Variants in CASC3 observed in about 807,000 individuals in gnomAD.
CASC3 encodes the protein protein CASC3.
In CASC3, 30 loss-of-function variants were observed where a neutral mutation model predicts 80.5. The observed-to-expected ratio is 0.37, with a 90% CI of 0.28 to 0.51. The LOEUF is 0.51. Among genes scored for constraint, CASC3 ranks in the 20% least tolerant of loss-of-function variants. CASC3 has a pLI of 0.94. For synonymous variants in CASC3, 312 were observed against 333.6 expected, an observed-to-expected ratio of 0.94 and a Z score of 0.70; for missense variants, 824 against 922.2, an observed-to-expected ratio of 0.89 and a Z score of 1.38.
Position 40,171,762 on chromosome 17 carries a change from G to A in CASC3, c.*1357G>A. 1.7e-6 allele frequency: 2 copies of A among 1,158,460 alleles called. No individual in the cohort carries two copies. The highest frequency in any genetic ancestry group is 2.2e-6 in the Non-Finnish European group (2 of 926,680). 71.8% of individuals were successfully genotyped at this position (1,158,460 alleles called of 1,614,324 possible). On this transcript the variant is annotated 3_prime_UTR_variant, in exon 14 of 14. Coordinates refer to ENST00000264645, the MANE Select transcript of CASC3 (RefSeq NM_007359.5). ...TCCTTCTACAGAACCTGAGGGCAAAGATGGTGGCTGTGTCTCTCCCCGGTA... is the reference window on the plus strand; with the variant it reads ...TCCTTCTACAGAACCTGAGGGCAAAAATGGTGGCTGTGTCTCTCCCCGGTA...
At chr17:40,160,331 AAAAAT>A (rs1567681588) in intron 3 of CASC3, among the ~76,000 whole-genome samples, 1 of 152,044 alleles carries the variant, frequency 6.6e-6, no homozygotes, top group Non-Finnish European at 1.5e-5. Flanking sequence ...CGTCTCTACT[AAAAAT>A]AAAAAAAAAT....
chr17:40,142,253 A>G (rs1343883232), intron 3 of CASC3, among the ~76,000 whole-genome samples: 1 of 152,228 alleles, frequency 6.6e-6, no homozygotes, highest in Non-Finnish European at 1.5e-5. Flanking sequence ...TTGAGGATGG[A>G]ATAGTGAACA....
Position 40,163,331 on chromosome 17 carries a change from C to T in CASC3, c.786-150C>T, listed in dbSNP as rs187690255. ...TGTATTTTTAGTAGAAATGAGGTTT[C>T]GCTATGTTGGCCAGGCTGGTCTTGA... On this transcript the variant is annotated intron_variant, in intron 6 of 13. Coordinates refer to ENST00000264645, the MANE Select transcript of CASC3 (RefSeq NM_007359.5). 302 of 640,158 alleles carry T rather than the reference C, an allele frequency of 4.7e-4. 2 individuals carry two copies. In the East Asian group the frequency reaches 7.3e-3, roughly 15 times the overall value. The allele number at this position is 640,158 out of a possible 1,614,324, so 39.7% of individuals were successfully genotyped here. A position where few individuals can be genotyped will look rare whatever the true frequency, so the allele number is the denominator to read the frequency against.
chr17:40,163,639 G>T lies in CASC3; in HGVS notation c.944G>T (p.Arg315Leu), dbSNP rs372980819. 7 of 1,614,138 alleles carry T rather than the reference G, an allele frequency of 4.3e-6. No individual in the cohort carries two copies. The highest frequency in any genetic ancestry group is 5.9e-6 in the Non-Finnish European group (7 of 1,180,026). The change falls in exon 7 of 14, where the codon CGA becomes CTA. Residue 315 changes from arginine (R) to leucine (L), a missense_variant. Physicochemically the swap from Arg to Leu is moderately radical, Grantham distance 102. This residue lies in a region of CASC3 where 464 missense variants were observed against 506.0 expected (regional missense o/e 0.92). Coordinates refer to ENST00000264645, the MANE Select transcript of CASC3 (RefSeq NM_007359.5). ...ATGTCTGCACCCAGGAATTATTCTC[G>T]ATCTGGGGGCTTCAAGGAAGGTCGT... ...GRMSAPRNYS[R>L]SGGFKEGRAG...
At chr17:40,151,767 A>G (rs1192783648) in intron 3 of CASC3, among the ~76,000 whole-genome samples, 1 of 151,970 alleles carries the variant, frequency 6.6e-6, no homozygotes, top group Non-Finnish European at 1.5e-5. Flanking sequence ...AGCAACCGCA[A>G]ATCTACTTTC....
At chr17:40,150,479 G>T (rs1249001001) in intron 3 of CASC3, among the ~76,000 whole-genome samples, 2 of 151,830 alleles carry the variant, frequency 1.3e-5, no homozygotes, top group Non-Finnish European at 2.9e-5. Context: ...TCTGTTGTAG[G>T]CCTGGAGAAA....
intron 3 of CASC3, among the ~76,000 whole-genome samples, chr17:40,159,773 T>A (rs1989247956): frequency 6.8e-6 from 1 of 146,066 alleles, no homozygotes; most frequent in African/African-American, 2.6e-5. Context: ...CTAGTATCAG[T>A]GGTGCAATCT....
At chr17:40,168,044 C>G (rs1057013791) in intron 10 of CASC3, 96 bp downstream of exon 10, 10 of 1,375,078 alleles carry the variant, frequency 7.3e-6, no homozygotes, top group African/African-American at 2.9e-5. Flanking sequence ...TGCTGCTAGC[C>G]TGGGAGTCTG....
chr17:40,163,076 G>GAA (rs571157538), intron 6 of CASC3, among the ~76,000 whole-genome samples, 175 bp downstream of exon 6: 2 of 147,350 alleles, frequency 1.4e-5, no homozygotes, highest in Non-Finnish European at 3.0e-5. Context: ...AGAAAAAAAG[G>GAA]AAAAAAAAAA....
intron 13 of CASC3, among the ~76,000 whole-genome samples, chr17:40,169,883 G>A (rs1010083386): frequency 2.0e-5 from 3 of 147,698 alleles, no homozygotes; most frequent in African/African-American, 7.5e-5. Context: ...AGCCTCCTAA[G>A]TAGCTAGGAT....
chr17:40,153,826 C>T (rs991091942), intron 3 of CASC3, among the ~76,000 whole-genome samples: 22 of 152,004 alleles, frequency 1.4e-4, no homozygotes, highest in African/African-American at 5.3e-4. Flanking sequence ...ATAATCCCAG[C>T]ACTTTGGGAG....
At chr17:40,145,299 G>T (rs985892652) in intron 3 of CASC3, among the ~76,000 whole-genome samples, 34 of 151,766 alleles carry the variant, frequency 2.2e-4, no homozygotes, top group African/African-American at 8.2e-4. Context: ...TCAGCCTCCC[G>T]AGTAGCTGGG....
chr17:40,150,022 A>C (rs1168460507), intron 3 of CASC3, among the ~76,000 whole-genome samples: 1 of 152,186 alleles, frequency 6.6e-6, no homozygotes, highest in Admixed American at 6.5e-5. Flanking sequence ...TTCCATTGTA[A>C]TTACAAAGAA....
At chr17:40,152,911 G>A (rs1349843775) in intron 3 of CASC3, among the ~76,000 whole-genome samples, 1 of 151,690 alleles carries the variant, frequency 6.6e-6, no homozygotes, top group Non-Finnish European at 1.5e-5. Flanking sequence ...TGAGTAGTTG[G>A]GATTACAAGC....
At position 40,154,525 on chromosome 17, in the gene CASC3, C is replaced by T. The variant is rs560251735; in HGVS notation, c.298-7228C>T. ...CTGGGATTACAGGTGTGAGCCACTG[C>T]GCTTGGCCATTTTTTTTTTTTTAAT... is the stretch of plus-strand genomic sequence containing the variant. On this transcript the variant is annotated intron_variant, in intron 3 of 13. Transcript: ENST00000264645. 1.4e-4 allele frequency among the ~76,000 whole-genome samples: 21 copies of T among 151,586 alleles called. No homozygotes were observed. In the East Asian group the frequency reaches 3.7e-3, roughly 26 times the overall value.
In CASC3 at chr17:40,163,548, C is replaced by A; in HGVS notation, c.853C>A (p.Gln285Lys). ...GERLNKSHRH[Q>K]GLGGTLPPRT... ...GCGGCTAAACAAGTCTCATCGCCAC[C>A]AGGGTCTTGGGGGCACCCTACCACC... The change falls in exon 7 of 14, where the codon CAG becomes AAG. Residue 285 changes from glutamine to lysine, a missense_variant. By Grantham distance (53) the Gln-to-Lys change is moderately conservative. This residue lies in a region of CASC3 where 201 missense variants were observed against 294.1 expected (regional missense o/e 0.68). Coordinates refer to ENST00000264645, the MANE Select transcript of CASC3 (RefSeq NM_007359.5). 6.2e-7 allele frequency: 1 copy of A among 1,613,998 alleles called. No homozygotes were observed. Among genetic ancestry groups the A allele is most frequent in the Non-Finnish European group, 8.5e-7 (1 of 1,179,970 alleles).
rs1444409454 is a variant in CASC3 at position 40,161,867 on chromosome 17, A to G, written c.412A>G (p.Thr138Ala). 6.2e-7 allele frequency: 1 copy of G among 1,614,176 alleles called. No homozygotes were observed. The highest frequency in any genetic ancestry group is 8.5e-7 in the Non-Finnish European group (1 of 1,180,036). ...AGAGAAGGGAGAAGAAAAGCCTGAC[A>G]CCAAAAGCACTGTGACTGGAGAGAG... ...KEEKGEEKPD[T>A]KSTVTGERQS... The change falls in exon 4 of 14, where the codon ACC (threonine) becomes GCC (alanine). Residue 138 changes from threonine (T) to alanine (A), a missense_variant. Thr to Ala is a moderately conservative substitution (Grantham distance 58). Coordinates refer to ENST00000264645, the MANE Select transcript of CASC3 (RefSeq NM_007359.5).
chr17:40,140,828 CG>C, intron 1 of CASC3, 49 bp downstream of exon 1: 1 of 100,162 alleles, frequency 1.0e-5, no homozygotes. Context: ...GCGAGCCGGC[CG>C]GGGGCGGGGT....
intron 2 of CASC3, 122 bp downstream of exon 2, chr17:40,141,356 T>C: frequency 1.0e-6 from 1 of 980,158 alleles, no homozygotes; most frequent in Non-Finnish European, 1.6e-6. Flanking sequence ...AGTGCCTTTT[T>C]GTAACATAGT....
Sources: allele counts gnomAD v4.1 joint callset (sites outside exome capture counted in the v4.1 genomes callset), GRCh38; gene constraint gnomAD v4.1.1; regional missense constraint gnomAD v4.1.1; transcripts MANE v1.5; gene names NCBI Gene and HGNC (gene_info 2026-07-23, HGNC 2026-07-21).